KCNQ1: variants seen among roughly 807,000 people sequenced by gnomAD.
The protein encoded by KCNQ1 is potassium voltage-gated channel subfamily KQT member 1.
In KCNQ1, 49 loss-of-function variants were observed where a neutral mutation model predicts 72.4. The observed-to-expected ratio is 0.68, with a 90% CI of 0.54 to 0.86. The LOEUF is 0.86. Among genes scored for constraint, KCNQ1 ranks in the 40% least tolerant of loss-of-function variants. The pLI, the probability that KCNQ1 is intolerant of heterozygous loss-of-function variation, is 0.00. For synonymous variants in KCNQ1, 450 were observed against 412.6 expected (o/e 1.09, Z -1.10); for missense variants, 790 against 945.1 (o/e 0.84, Z 2.15).
chr11:2,789,668 C>G (rs995440460), intron 15 of KCNQ1, among the ~76,000 whole-genome samples: 21 of 152,228 alleles, frequency 1.4e-4, no homozygotes, highest in Non-Finnish European at 2.5e-4. Context: ...TCGGCCTCCC[C>G]CTTCCCAGGC....
At chr11:2,610,979 A>G (rs1331343903) in intron 10 of KCNQ1, 1 of 398,250 alleles carries the variant, frequency 2.5e-6, no homozygotes. Context: ...AAGAGTTAGT[A>G]CTATTATTGT....
At chr11:2,590,312 TGTG>T (rs1263931132) in intron 10 of KCNQ1, among the ~76,000 whole-genome samples, 1 of 152,210 alleles carries the variant, frequency 6.6e-6, no homozygotes, top group East Asian at 1.9e-4. Flanking sequence ...TAGTAGTGAC[TGTG>T]TTCTGATACA....
chr11:2,542,540 A>G (rs1381536849), intron 2 of KCNQ1, among the ~76,000 whole-genome samples: 3 of 152,234 alleles, frequency 2.0e-5, no homozygotes, highest in South Asian at 2.1e-4. Context: ...ACGCCACAGG[A>G]CCATCACCAC....
rs535244024 is a variant in KCNQ1 at position 2,670,278 on chromosome 11, C to G, written c.1514+8197C>G. 1 of 398,564 alleles carries G rather than the reference C, an allele frequency of 2.5e-6. No homozygotes were observed. Among genetic ancestry groups the G allele is most frequent in the South Asian group, 1.3e-4 (1 of 7,844 alleles). 24.7% of individuals were successfully genotyped at this position (398,564 alleles called of 1,614,324 possible). A position where few individuals can be genotyped will look rare whatever the true frequency, so the allele number is the denominator to read the frequency against. On this transcript the variant is annotated intron_variant, in intron 11 of 15. Coordinates refer to ENST00000155840, the MANE Select transcript of KCNQ1 (RefSeq NM_000218.3). The surrounding 1 kb of genome is among the most constrained non-coding windows in gnomAD (Gnocchi z 4.9). The stretch of plus-strand genomic sequence containing the variant: ...GGAAGAGGACCATGGTAGCTTGTCT[C>G]TAGGCAACCCATAGGTGCCCAATGG...
At position 2,483,583 on chromosome 11, in the gene KCNQ1, C is replaced by T. The variant is rs957778641; in HGVS notation, c.386+38099C>T. ...AGCTCCTCAGTCTCTCTTTGTCTTT[C>T]GTGACCTTGATGTTTTAGATAAGTA... On this transcript the variant is annotated intron_variant, in intron 1 of 15. Coordinates refer to ENST00000155840, the MANE Select transcript of KCNQ1 (RefSeq NM_000218.3). This position sits in a 1 kb window ranked among gnomAD's most constrained non-coding sequence, Gnocchi z 6.1. 1.4e-4 allele frequency among the ~76,000 whole-genome samples: 21 copies of T among 152,164 alleles called. No individual in the cohort carries two copies. Among genetic ancestry groups the T allele is most frequent in the African/African-American group, 4.1e-4 (17 of 41,420 alleles).
intron 10 of KCNQ1, chr11:2,636,303 A>C (rs1849463792): frequency 6.6e-6 from 1 of 152,102 alleles, no homozygotes; most frequent in South Asian, 2.1e-4. Context: ...CTCATTCAGT[A>C]TGATATTGGC....
At chr11:2,506,835 G>C (rs1191639400) in intron 1 of KCNQ1, among the ~76,000 whole-genome samples, 1 of 152,188 alleles carries the variant, frequency 6.6e-6, no homozygotes, top group Non-Finnish European at 1.5e-5. Context: ...GAATTTGAAT[G>C]TTTTCCCTGT....
chr11:2,553,584 C>T (rs1848022270), intron 2 of KCNQ1, among the ~76,000 whole-genome samples: 2 of 152,166 alleles, frequency 1.3e-5, no homozygotes, highest in South Asian at 2.1e-4. Context: ...TGTGGGGAAT[C>T]GCACTGATTG....
chr11:2,709,329 G>A (rs1313697991), intron 11 of KCNQ1, among the ~76,000 whole-genome samples: 1 of 148,826 alleles, frequency 6.7e-6, no homozygotes, highest in Admixed American at 6.8e-5. Context: ...AGCAAGAAGC[G>A]GGCAGAGGCT....
In KCNQ1 at chr11:2,657,933, T is replaced by C. The variant is rs922809559; in HGVS notation, c.1394-4028T>C. 2.1e-4 allele frequency: 85 copies of C among 398,616 alleles called. 1 individual carries two copies. Among genetic ancestry groups the C allele is most frequent in the African/African-American group, 1.6e-3 (79 of 48,770 alleles). The allele number at this position is 398,616 out of a possible 1,614,324, so 24.7% of individuals were successfully genotyped here. ...ACATGACATCAACATGGTTTATCAC[T>C]GGTAATATTAACCTTGAGCCACTCG... On this transcript the variant is annotated intron_variant, in intron 10 of 15. Coordinates refer to ENST00000155840, the MANE Select transcript of KCNQ1 (RefSeq NM_000218.3). The surrounding 1 kb of genome is among the most constrained non-coding windows in gnomAD (Gnocchi z 4.8).
intron 1 of KCNQ1, among the ~76,000 whole-genome samples, chr11:2,513,796 A>C (rs991158648): frequency 6.6e-6 from 1 of 152,110 alleles, no homozygotes; most frequent in East Asian, 1.9e-4. Flanking sequence ...CTGGGCCTCC[A>C]CCTCTGAGAA....
Position 2,611,026 on chromosome 11 carries a change from C to G in KCNQ1, c.1393+22172C>G. 1 of 398,346 alleles carries G rather than the reference C, an allele frequency of 2.5e-6. No individual in the cohort carries two copies. The highest frequency in any genetic ancestry group is 3.6e-5 in the East Asian group (1 of 28,036). 24.7% of individuals were successfully genotyped at this position (398,346 alleles called of 1,614,324 possible). On this transcript the variant is annotated intron_variant, in intron 10 of 15. Coordinates refer to ENST00000155840, the MANE Select transcript of KCNQ1 (RefSeq NM_000218.3). The surrounding 1 kb of genome is among the most constrained non-coding windows in gnomAD (Gnocchi z 5.3). Reference sequence around the variant, plus strand: ...TTATTGTTCAGTTGTCTGTTTCTCTCTTCATTTCTGACAGTTTTATTTCAT... The same window carrying G: ...TTATTGTTCAGTTGTCTGTTTCTCTGTTCATTTCTGACAGTTTTATTTCAT...
In KCNQ1 at chr11:2,747,465, C is replaced by T. The variant is rs1038276845; in HGVS notation, c.1515-21379C>T. On this transcript the variant is annotated intron_variant, in intron 11 of 15. Coordinates refer to ENST00000155840, the MANE Select transcript of KCNQ1 (RefSeq NM_000218.3). Reference sequence around the variant, plus strand: ...GTGCAGCCTTGCACCCTGGGGCAGCCGGTGCTTGGTCCCTGCTGGCCTGGG... The same window carrying T: ...GTGCAGCCTTGCACCCTGGGGCAGCTGGTGCTTGGTCCCTGCTGGCCTGGG... Among the ~76,000 whole-genome samples the T allele has an allele frequency of 3.3e-5, 5 of 152,318 alleles. No individual in the cohort carries two copies. In the East Asian group the frequency reaches 5.8e-4, roughly 18 times the overall value.
intron 10 of KCNQ1, chr11:2,637,604 T>G (rs7120777): frequency 6.6e-6 from 1 of 152,118 alleles, no homozygotes; most frequent in Non-Finnish European, 1.5e-5. Flanking sequence ...TTACTTCCAA[T>G]TATGTGGTCA....
chr11:2,834,139 G>A (rs1366204671), intron 15 of KCNQ1, among the ~76,000 whole-genome samples: 3 of 152,240 alleles, frequency 2.0e-5, no homozygotes, highest in Non-Finnish European at 2.9e-5. Flanking sequence ...TGTGTGCATG[G>A]CATGGTGGTG....
intron 10 of KCNQ1, chr11:2,660,191 T>A: frequency 2.5e-6 from 1 of 398,408 alleles, no homozygotes; most frequent in Non-Finnish European, 4.4e-6. Flanking sequence ...ATTTTAGATT[T>A]TTTTTCAGTA....
At chr11:2,692,305 T>A in intron 11 of KCNQ1, 1 of 398,954 alleles carries the variant, frequency 2.5e-6, no homozygotes, top group Non-Finnish European at 4.4e-6. Flanking sequence ...CTTCCCTCCA[T>A]CCCTATTGCC....
chr11:2,751,334 G>T (rs530946684), intron 11 of KCNQ1, among the ~76,000 whole-genome samples: 1 of 152,172 alleles, frequency 6.6e-6, no homozygotes, highest in Non-Finnish European at 1.5e-5. Context: ...AAAGCCCCAC[G>T]CTCTCAGCAG....
In KCNQ1 at chr11:2,768,940, T is replaced by C; in HGVS notation, c.1590+21T>C. On this transcript the variant is annotated intron_variant, in intron 12 of 15. Transcript: ENST00000155840. The surrounding 1 kb of genome is among the most constrained non-coding windows in gnomAD (Gnocchi z 6.7). The stretch of plus-strand genomic sequence containing the variant: ...TCCAGGTAAGCCCTGTGCTGAGCCT[T>C]CCTGCCCTCAGCCTGCCCCTCGCAG... 1 of 1,594,340 alleles carries C rather than the reference T, an allele frequency of 6.3e-7. No homozygotes were observed. Among genetic ancestry groups the C allele is most frequent in the Non-Finnish European group, 8.6e-7 (1 of 1,162,396 alleles).
Sources: allele counts gnomAD v4.1 joint callset (sites outside exome capture counted in the v4.1 genomes callset), GRCh38; gene constraint gnomAD v4.1.1; non-coding constraint Gnocchi (gnomAD v3.1); transcripts MANE v1.5; gene names NCBI Gene and HGNC (gene_info 2026-07-23, HGNC 2026-07-21).